Variants in DEPDC5 observed in about 807,000 individuals in gnomAD.
The protein encoded by DEPDC5 is DEP domain containing 5, GATOR1 subcomplex subunit.
In DEPDC5, 73 loss-of-function variants were observed where a neutral mutation model predicts 217.3. The observed-to-expected ratio is 0.34, with a 90% CI of 0.28 to 0.41. DEPDC5 has a LOEUF of 0.41. DEPDC5 is among the 10% of genes least tolerant of loss of function. The probability of loss-of-function intolerance (pLI) is 1.00; values close to 1 mark genes in which losing one functional copy is unlikely to be tolerated. For missense variants in DEPDC5, 1,675 were observed against 2,070.1 expected (o/e 0.81, Z 3.70); for synonymous variants, 733 against 756.7 (o/e 0.97, Z 0.51).
intron 39 of DEPDC5, 79 bp downstream of exon 39, chr22:31,893,830 C>T (rs2093491203): frequency 7.2e-7 from 1 of 1,393,372 alleles, no homozygotes; most frequent in Non-Finnish European, 9.4e-7. Flanking sequence ...AGATTCATGT[C>T]ACTTTAATTT....
At chr22:31,900,591 T>C (rs2093631291) in intron 40 of DEPDC5, among the ~76,000 whole-genome samples, 1 of 151,546 alleles carries the variant, frequency 6.6e-6, no homozygotes, top group Non-Finnish European at 1.5e-5. Context: ...ACACAAAAAT[T>C]AGCTGGGCGC....
At chr22:31,876,100 G>C (rs771187257) in intron 36 of DEPDC5, 57 bp from the exon 37 acceptor site, 1 of 1,522,978 alleles carries the variant, frequency 6.6e-7, no homozygotes, top group South Asian at 1.1e-5. Context: ...ATGACTGAGG[G>C]CTGCCCCTTC....
At chr22:31,775,235 A>G (rs902605936) in intron 7 of DEPDC5, among the ~76,000 whole-genome samples, 2 of 151,278 alleles carry the variant, frequency 1.3e-5, no homozygotes, top group Non-Finnish European at 1.5e-5. Flanking sequence ...GCTGGAGTGC[A>G]ATGGTGCGAT....
chr22:31,902,210 A>T (rs777768524), intron 41 of DEPDC5, among the ~76,000 whole-genome samples: 12 of 151,922 alleles, frequency 7.9e-5, no homozygotes, highest in Non-Finnish European at 1.6e-4. Context: ...CTTGGCACCT[A>T]ATATGTGTGC....
intron 24 of DEPDC5, among the ~76,000 whole-genome samples, chr22:31,823,824 G>C (rs148702389): frequency 2.7e-4 from 41 of 152,222 alleles, no homozygotes; most frequent in African/African-American, 8.9e-4. Flanking sequence ...CAAACCAATA[G>C]CCAGGTATCC....
chr22:31,791,678 C>T (rs2085657618), intron 10 of DEPDC5, among the ~76,000 whole-genome samples: 2 of 150,422 alleles, frequency 1.3e-5, no homozygotes, highest in South Asian at 2.1e-4. Flanking sequence ...CCTGTAATCC[C>T]AGCACTTTGG....
At chr22:31,758,003 A>G (rs769116038) in intron 2 of DEPDC5, among the ~76,000 whole-genome samples, 3 of 152,084 alleles carry the variant, frequency 2.0e-5, no homozygotes, top group Non-Finnish European at 4.4e-5. Context: ...ACCTCAGGTG[A>G]TCTGTCCATC....
intron 33 of DEPDC5, 43 bp from the exon 34 acceptor site, chr22:31,870,547 A>T (rs368681545): frequency 4.1e-6 from 6 of 1,454,432 alleles, no homozygotes; most frequent in Non-Finnish European, 4.6e-6. Flanking sequence ...TTTTCCTGTC[A>T]GTTATTTTTG....
chr22:31,877,519 A>T (rs1376004156), intron 37 of DEPDC5, among the ~76,000 whole-genome samples: 1 of 149,356 alleles, frequency 6.7e-6, no homozygotes, highest in Non-Finnish European at 1.5e-5. Flanking sequence ...TGGGAGGCCA[A>T]GGCCGGCAGA....
Position 31,863,667 on chromosome 22 carries a change from A to T in DEPDC5, c.3330+2234A>T, listed in dbSNP as rs114590517. Among the ~76,000 whole-genome samples, 652 of 152,290 alleles carry T rather than the reference A, an allele frequency of 4.3e-3. 3 individuals are homozygous for T. The highest frequency in any genetic ancestry group is 0.015 in the African/African-American group (621 of 41,578). On this transcript the variant is annotated intron_variant, in intron 33 of 42. Coordinates refer to ENST00000651528, the MANE Select transcript of DEPDC5 (RefSeq NM_001242896.3). The stretch of plus-strand genomic sequence containing the variant: ...TGTAATTTTTTAAAAATATATACAT[A>T]AAAAAATTATATTAGGAGGCCAAGG...
chr22:31,861,750 A>G (rs144871559), intron 33 of DEPDC5, among the ~76,000 whole-genome samples: 2,181 of 152,356 alleles, frequency 0.014, 19 homozygotes, highest in Middle Eastern at 0.031. Context: ...TTTATGAGCA[A>G]CATGAAATAT....
At chr22:31,768,137 T>C (rs2082992762) in intron 6 of DEPDC5, among the ~76,000 whole-genome samples, 1 of 151,836 alleles carries the variant, frequency 6.6e-6, no homozygotes, top group Admixed American at 6.6e-5. Context: ...CAGGTGGTGT[T>C]TGGTTATATG....
At chr22:31,783,379 T>A (rs2084658967) in intron 8 of DEPDC5, among the ~76,000 whole-genome samples, 1 of 152,140 alleles carries the variant, frequency 6.6e-6, no homozygotes, top group South Asian at 2.1e-4. Context: ...AGCTTCATTC[T>A]TGAAGTCAGT....
chr22:31,789,031 G>C (rs1461306926), intron 10 of DEPDC5, among the ~76,000 whole-genome samples: 1 of 151,520 alleles, frequency 6.6e-6, no homozygotes, highest in African/African-American at 2.4e-5. Flanking sequence ...CAAGTAGCTG[G>C]GATTATAGGT....
intron 7 of DEPDC5, among the ~76,000 whole-genome samples, chr22:31,770,955 G>GT (rs1400146698): frequency 6.6e-6 from 1 of 151,646 alleles, no homozygotes; most frequent in Non-Finnish European, 1.5e-5. Context: ...GCTAATTTTT[G>GT]TATTTTCAGT....
intron 33 of DEPDC5, among the ~76,000 whole-genome samples, chr22:31,865,891 C>T (rs2092675437): frequency 6.6e-6 from 1 of 152,186 alleles, no homozygotes; most frequent in Non-Finnish European, 1.5e-5. Context: ...TTTGCAATGC[C>T]TCTGTCTGCG....
chr22:31,819,235 T>C lies in DEPDC5; in HGVS notation c.1870+10T>C, dbSNP rs760092505. The C allele has an allele frequency of 3.1e-5, 50 of 1,614,036 alleles. No individual in the cohort carries two copies. Among genetic ancestry groups the C allele is most frequent in the Non-Finnish European group, 4.2e-5 (49 of 1,179,980 alleles). On this transcript the variant is annotated intron_variant, in intron 22 of 42. Transcript: ENST00000651528. ...CACACTTTTCCTGTGGGTAAGTTGGTTGCTTAAGAGAGAGCCTTGGACTAG... is the reference window on the plus strand; with the variant it reads ...CACACTTTTCCTGTGGGTAAGTTGGCTGCTTAAGAGAGAGCCTTGGACTAG...
chr22:31,830,269 A>C (rs1425297556), intron 24 of DEPDC5, among the ~76,000 whole-genome samples: 1 of 152,264 alleles, frequency 6.6e-6, no homozygotes, highest in Non-Finnish European at 1.5e-5. Context: ...AATTCTGAAC[A>C]GATGTCAAAA....
chr22:31,811,403 T>C (rs1370266010), intron 20 of DEPDC5, among the ~76,000 whole-genome samples: 3 of 152,132 alleles, frequency 2.0e-5, no homozygotes, highest in Non-Finnish European at 4.4e-5. Flanking sequence ...AGGGAAACAA[T>C]TCACAAATTC....
Sources: gnomAD v4.1 joint callset for allele counts (sites outside exome capture counted in the v4.1 genomes callset) on GRCh38, gnomAD v4.1.1 for gene constraint, MANE v1.5 for transcripts, NCBI Gene and HGNC (gene_info 2026-07-23, HGNC 2026-07-21) for gene names.